The following AFF3 variants were observed in gnomAD, a reference collection of about 807,000 sequenced individuals.
AFF3 encodes the protein AF4/FMR2 family member 3.
In AFF3, 32 loss-of-function variants were observed where a neutral mutation model predicts 129.7. The observed-to-expected ratio is 0.25, with a 90% confidence interval of 0.19 to 0.33. The LOEUF (loss-of-function observed/expected upper bound fraction) is 0.33, where lower values mean the gene tolerates loss of function less well. Ranked by LOEUF, AFF3 falls within the 10% of genes least tolerant of loss-of-function variation. The probability of loss-of-function intolerance (pLI) is 1.00; values close to 1 mark genes in which losing one functional copy is unlikely to be tolerated. For synonymous variants in AFF3, 644 were observed against 635.4 expected, an observed-to-expected ratio of 1.01 and a Z score of -0.20; for missense variants, 1,373 against 1,592.0, an observed-to-expected ratio of 0.86 and a Z score of 2.34.
chr2:99,996,527 ATTTTTTTT>A (rs756231548), intron 7 of AFF3, among the ~76,000 whole-genome samples: 167 of 114,082 alleles, frequency 1.5e-3, no homozygotes, highest in African/African-American at 4.9e-3. Context: ...CGCCCGGCTA[ATTTTTTTT>A]TTTTTTTTTT....
At position 99,763,597 on chromosome 2, in the gene AFF3, G is replaced by A. The variant is rs910550897; in HGVS notation, c.922-11296C>T. Among the ~76,000 whole-genome samples, 6 of 152,096 alleles carry A rather than the reference G, an allele frequency of 3.9e-5. No individual in the cohort carries two copies. The East Asian group carries it at 1.2e-3, about 29-fold the overall frequency. ...TTAGCATTTTGATGGAAATACTACT[G>A]ATTGAAAACTTTTAGGAAAATGGTA... On this transcript the variant is annotated intron_variant, in intron 8 of 24. Coordinates refer to ENST00000672756, the MANE Select transcript of AFF3 (RefSeq NM_001386135.1).
intron 7 of AFF3, among the ~76,000 whole-genome samples, chr2:99,939,432 C>A (rs1558992728): frequency 6.6e-6 from 1 of 152,168 alleles, no homozygotes; most frequent in Non-Finnish European, 1.5e-5. Context: ...TAACTAAGTT[C>A]TCTGATGCAG....
intron 4 of AFF3, among the ~76,000 whole-genome samples, chr2:100,027,660 C>T (rs891635121): frequency 6.6e-6 from 1 of 152,136 alleles, no homozygotes; most frequent in African/African-American, 2.4e-5. Flanking sequence ...ATCCTTTACT[C>T]CTATCTAGTT....
chr2:99,565,470 G>C lies in AFF3; in HGVS notation c.3119+17C>G, dbSNP rs770821588. On this transcript the variant is annotated intron_variant, in intron 20 of 24. Transcript: ENST00000672756. ...CCTCACTCCTCCCCTCATCCAGCAA[G>C]AAAACACGGTGCTTACCTGATGAGC... 20 of 1,608,910 alleles carry C rather than the reference G, an allele frequency of 1.2e-5. No individual in the cohort carries two copies. The highest frequency in any genetic ancestry group is 1.7e-5 in the Non-Finnish European group (20 of 1,175,630).
intron 7 of AFF3, among the ~76,000 whole-genome samples, chr2:99,967,242 C>A (rs1677869373): frequency 6.6e-6 from 1 of 151,900 alleles, no homozygotes. Flanking sequence ...TAAATCCTGT[C>A]TCCCTCCCCC....
intron 20 of AFF3, among the ~76,000 whole-genome samples, chr2:99,563,861 CTTTT>C (rs1675730126): frequency 7.1e-6 from 1 of 141,624 alleles, no homozygotes; most frequent in Non-Finnish European, 1.5e-5. Flanking sequence ...CCAAATTTGT[CTTTT>C]TGTCTTTGTT....
chr2:99,636,496 T>C (rs138548640), intron 13 of AFF3, among the ~76,000 whole-genome samples: 167 of 152,306 alleles, frequency 1.1e-3, no homozygotes, highest in African/African-American at 3.9e-3. Flanking sequence ...ACTGAGTAAA[T>C]ACTGCCTCTC....
intron 8 of AFF3, among the ~76,000 whole-genome samples, chr2:99,762,009 C>T (rs1350592679): frequency 2.0e-5 from 3 of 152,100 alleles, no homozygotes; most frequent in Non-Finnish European, 1.5e-5. Flanking sequence ...TTTCCTTTCA[C>T]GTTATTCCAT....
chr2:99,710,469 T>C (rs777708187), intron 11 of AFF3, among the ~76,000 whole-genome samples: 13 of 152,076 alleles, frequency 8.5e-5, no homozygotes, highest in Non-Finnish European at 1.8e-4. Flanking sequence ...GTTGGTAAAG[T>C]TGGTCTCGAA....
At chr2:99,896,944 C>T (rs957522908) in intron 7 of AFF3, among the ~76,000 whole-genome samples, 5 of 152,032 alleles carry the variant, frequency 3.3e-5, no homozygotes, top group African/African-American at 1.2e-4. Flanking sequence ...CCTGTGCATT[C>T]TTATTTCATA....
chr2:99,761,092 C>T (rs1003922484), intron 8 of AFF3, among the ~76,000 whole-genome samples: 4 of 151,842 alleles, frequency 2.6e-5, no homozygotes, highest in South Asian at 2.1e-4. Flanking sequence ...GGTGATGGAA[C>T]TGAGAATCCA....
intron 7 of AFF3, among the ~76,000 whole-genome samples, chr2:99,958,991 G>C (rs1676945378): frequency 6.6e-6 from 1 of 151,952 alleles, no homozygotes; most frequent in Admixed American, 6.6e-5. Flanking sequence ...CAGCTACTTG[G>C]GAGGCTAAGG....
chr2:99,602,703 G>A (rs529606344), intron 13 of AFF3, among the ~76,000 whole-genome samples: 44 of 152,326 alleles, frequency 2.9e-4, no homozygotes, highest in Middle Eastern at 3.4e-3. Flanking sequence ...CTATAGGACC[G>A]AGCATCAATG....
At chr2:99,816,277 T>G (rs1328256746) in intron 8 of AFF3, among the ~76,000 whole-genome samples, 1 of 152,228 alleles carries the variant, frequency 6.6e-6, no homozygotes, top group Non-Finnish European at 1.5e-5. Flanking sequence ...ATAAGAGCCA[T>G]TAACATATTG....
intron 1 of AFF3, among the ~76,000 whole-genome samples, chr2:100,131,849 T>C (rs180882561): frequency 6.6e-6 from 1 of 152,368 alleles, no homozygotes; most frequent in East Asian, 1.9e-4. Flanking sequence ...CTAGACCTTG[T>C]TCTAAGAAGG....
chr2:99,824,609 G>C (rs10183018), intron 8 of AFF3, among the ~76,000 whole-genome samples: 240 of 152,116 alleles, frequency 1.6e-3, no homozygotes, highest in African/African-American at 5.5e-3. Flanking sequence ...TGCATACATA[G>C]GTGTACCTTA....
chr2:99,887,791 T>C (rs1003895498), intron 7 of AFF3, among the ~76,000 whole-genome samples: 5 of 152,248 alleles, frequency 3.3e-5, no homozygotes, highest in African/African-American at 4.8e-5. Flanking sequence ...TCTAATCCTT[T>C]ATGGCATCCC....
At chr2:100,067,855 A>G (rs557786034) in intron 4 of AFF3, among the ~76,000 whole-genome samples, 3 of 152,330 alleles carry the variant, frequency 2.0e-5, no homozygotes, top group East Asian at 3.9e-4. Flanking sequence ...TGCTAACTAA[A>G]TAATGGCCCA....
At position 100,140,605 on chromosome 2, in the gene AFF3, A is replaced by G. The variant is rs553272298; in HGVS notation, c.-228+1879T>C. 8.5e-5 allele frequency among the ~76,000 whole-genome samples: 13 copies of G among 152,284 alleles called. No individual in the cohort carries two copies. The South Asian group carries it at 2.7e-3, about 32-fold the overall frequency. On this transcript the variant is annotated intron_variant, in intron 1 of 24. Transcript: ENST00000672756. ...AGATACAATAACAAAATGTGTGTAA[A>G]ATGCCGAGCACCACGTCTCACACCT... is the stretch of plus-strand genomic sequence containing the variant.
Sources: allele counts gnomAD v4.1 joint callset (sites outside exome capture counted in the v4.1 genomes callset), GRCh38; gene constraint gnomAD v4.1.1; transcripts MANE v1.5; gene names NCBI Gene and HGNC (gene_info 2026-07-23, HGNC 2026-07-21).